NFIB: variants seen among roughly 807,000 people sequenced by gnomAD.
NFIB encodes the protein nuclear factor I B.
Under a neutral mutation model 61.5 loss-of-function variants are expected in NFIB, and 11 were observed. That is an observed-to-expected ratio of 0.18 (90% confidence interval 0.11 to 0.30). NFIB has a LOEUF of 0.30. NFIB is among the 10% of genes least tolerant of loss of function. The pLI, the probability that NFIB is intolerant of heterozygous loss-of-function variation, is 1.00. For synonymous variants in NFIB, 260 were observed against 216.5 expected, an observed-to-expected ratio of 1.20 and a Z score of -1.76; for missense variants, 471 against 608.9, an observed-to-expected ratio of 0.77 and a Z score of 2.38.
chr9:14,500,819 G>A, the NFIB span, among the ~76,000 whole-genome samples: 1 of 152,022 alleles, frequency 6.6e-6, no homozygotes, highest in Non-Finnish European at 1.5e-5. Context: ...TTCCCACAGC[G>A]AATCTACATG....
the NFIB span, among the ~76,000 whole-genome samples, chr9:14,508,237 G>C: frequency 6.6e-6 from 1 of 152,078 alleles, no homozygotes; most frequent in Non-Finnish European, 1.5e-5. Flanking sequence ...TTGTGTATGT[G>C]TGTATGTGTG....
intron 2 of NFIB, chr9:14,306,000 G>C: frequency 7.7e-7 from 1 of 1,290,618 alleles, no homozygotes; most frequent in South Asian, 1.8e-5. Flanking sequence ...GCATTTATTT[G>C]AAGAAAAGAA....
intron 9 of NFIB, 128 bp from the exon 10 acceptor site, chr9:14,113,209 CTCTTT>C (rs2037646805): frequency 2.9e-6 from 2 of 693,016 alleles, no homozygotes; most frequent in African/African-American, 3.7e-5. Context: ...CATTTCTCTT[CTCTTT>C]TGTCTGAGTG....
intron 1 of NFIB, chr9:14,361,200 C>G (rs909423546): frequency 6.6e-6 from 1 of 150,468 alleles, no homozygotes; most frequent in African/African-American, 2.4e-5. Flanking sequence ...AAGTTTAACT[C>G]AGATAACATT....
the NFIB span, among the ~76,000 whole-genome samples, chr9:14,478,686 C>CT: frequency 6.6e-6 from 1 of 152,134 alleles, no homozygotes; most frequent in African/African-American, 2.4e-5. Flanking sequence ...CTGAGTATTA[C>CT]TCCATAGTGT....
At chr9:14,511,355 CATT>C in the NFIB span, among the ~76,000 whole-genome samples, 5 of 151,430 alleles carry the variant, frequency 3.3e-5, no homozygotes, top group Non-Finnish European at 7.4e-5. Flanking sequence ...ATAATCTTTT[CATT>C]ATTATGTAAA....
chr9:14,288,375 A>C (rs1218261442), intron 2 of NFIB, among the ~76,000 whole-genome samples: 1 of 152,082 alleles, frequency 6.6e-6, no homozygotes, highest in Non-Finnish European at 1.5e-5. Flanking sequence ...AAAGCCATTT[A>C]GTATTAAATA....
intron 7 of NFIB, 99 bp downstream of exon 7, chr9:14,125,533 G>A: frequency 3.4e-6 from 5 of 1,477,836 alleles, no homozygotes; most frequent in African/African-American, 2.8e-5. Context: ...AGAAAATATG[G>A]TTGCCATAGC....
intron 3 of NFIB, among the ~76,000 whole-genome samples, chr9:14,158,482 A>G (rs1238512921): frequency 6.6e-6 from 1 of 152,256 alleles, no homozygotes; most frequent in East Asian, 1.9e-4. Context: ...CAAGTCTTGC[A>G]GTCATTGCTG....
At chr9:14,434,114 A>C in the NFIB span, among the ~76,000 whole-genome samples, 5 of 152,194 alleles carry the variant, frequency 3.3e-5, no homozygotes, top group Non-Finnish European at 7.3e-5. Context: ...ACATTTTCTT[A>C]ATATTTGGAA....
At chr9:14,503,624 T>A in the NFIB span, among the ~76,000 whole-genome samples, 1 of 152,204 alleles carries the variant, frequency 6.6e-6, no homozygotes, top group Admixed American at 6.5e-5. Flanking sequence ...CACTTGTATA[T>A]CTTCTTTTGA....
intron 1 of NFIB, among the ~76,000 whole-genome samples, chr9:14,322,894 C>A (rs1376098999): frequency 6.6e-6 from 1 of 151,744 alleles, no homozygotes; most frequent in African/African-American, 2.4e-5. Context: ...CTCCGCGCGC[C>A]TTTGTGCTTC....
chr9:14,297,425 G>GGATT (rs1308814652), intron 2 of NFIB, among the ~76,000 whole-genome samples: 11 of 152,116 alleles, frequency 7.2e-5, no homozygotes, highest in African/African-American at 1.4e-4. Context: ...CTATGATTCT[G>GGATT]GATTATCAAC....
chr9:14,287,485 G>C (rs1011240582), intron 2 of NFIB, among the ~76,000 whole-genome samples: 19 of 151,848 alleles, frequency 1.3e-4, no homozygotes, highest in Non-Finnish European at 4.4e-5. Context: ...GCGCAATGGC[G>C]CGATCTCGGC....
chr9:14,254,102 G>C (rs1221905033), intron 2 of NFIB, among the ~76,000 whole-genome samples: 2 of 152,130 alleles, frequency 1.3e-5, no homozygotes, highest in African/African-American at 4.8e-5. Flanking sequence ...AGTAGTTTGA[G>C]ACTAGCCTGG....
chr9:14,202,865 C>T (rs1356284075), intron 2 of NFIB, among the ~76,000 whole-genome samples: 1 of 152,158 alleles, frequency 6.6e-6, no homozygotes, highest in Non-Finnish European at 1.5e-5. Flanking sequence ...TTTAGGTTAG[C>T]TGAAAACGAT....
At chr9:14,382,609 C>T (rs189879976) in intron 1 of NFIB, among the ~76,000 whole-genome samples, 47 of 152,106 alleles carry the variant, frequency 3.1e-4, no homozygotes, top group African/African-American at 9.6e-4. Context: ...GGCACACCCT[C>T]AGTAAAAATC....
chr9:14,097,259 GA>G (rs2034938214), intron 10 of NFIB, among the ~76,000 whole-genome samples: 1 of 152,056 alleles, frequency 6.6e-6, no homozygotes, highest in Non-Finnish European at 1.5e-5. Context: ...TCTCCACCTT[GA>G]ACCAAAGATT....
chr9:14,311,353 T>C (rs1243364703), intron 1 of NFIB, among the ~76,000 whole-genome samples: 1 of 152,178 alleles, frequency 6.6e-6, no homozygotes, highest in East Asian at 1.9e-4. Context: ...GATACAAAAC[T>C]ACTGATCTGA....
Sources: gnomAD v4.1 joint callset for allele counts (sites outside exome capture counted in the v4.1 genomes callset) on GRCh38, gnomAD v4.1.1 for gene constraint, MANE v1.5 for transcripts, NCBI Gene and HGNC (gene_info 2026-07-23, HGNC 2026-07-21) for gene names.